The following ZMAT4 variants were observed in gnomAD, a reference collection of about 807,000 sequenced individuals.
ZMAT4 encodes the protein zinc finger matrin-type protein 4.
Under a neutral mutation model 28.7 loss-of-function variants are expected in ZMAT4, and 17 were observed. The ratio of observed to expected loss-of-function variants is 0.59; its 90% CI spans 0.41 to 0.89. The LOEUF (loss-of-function observed/expected upper bound fraction) is 0.89. Among genes scored for constraint, ZMAT4 ranks in the 40% least tolerant of loss-of-function variants. The probability of loss-of-function intolerance (pLI) is 0.00; values close to 1 mark genes in which losing one functional copy is unlikely to be tolerated. For synonymous variants in ZMAT4, 117 were observed against 109.2 expected, an observed-to-expected ratio of 1.07 and a Z score of -0.44; for missense variants, 240 against 283.8, an observed-to-expected ratio of 0.85 and a Z score of 1.11.
rs533048043 is a variant in ZMAT4, at chr8:40,855,590, G to A, written c.-4-29910C>T. Reference sequence around the variant, plus strand: ...GAATTGACCAGTGACAAATCTTGGTGACAGTAAAATTTGTCCTTCAGTCCT... The same window carrying A: ...GAATTGACCAGTGACAAATCTTGGTAACAGTAAAATTTGTCCTTCAGTCCT... On this transcript the variant is annotated intron_variant, in intron 1 of 6. Transcript: ENST00000297737. 1.2e-3 allele frequency among the ~76,000 whole-genome samples: 184 copies of A among 152,174 alleles called. 1 individual carries two copies. Among genetic ancestry groups the A allele is most frequent in the Non-Finnish European group, 2.1e-3 (145 of 68,012 alleles).
intron 1 of ZMAT4, among the ~76,000 whole-genome samples, chr8:40,868,464 T>C (rs921857983): frequency 6.6e-6 from 1 of 152,146 alleles, no homozygotes; most frequent in Non-Finnish European, 1.5e-5. Context: ...TCTGAGGGCT[T>C]ATCCCAGCAG....
chr8:40,710,857 T>C (rs1191324804), intron 3 of ZMAT4, among the ~76,000 whole-genome samples: 1 of 151,974 alleles, frequency 6.6e-6, no homozygotes, highest in African/African-American at 2.4e-5. Flanking sequence ...CTCGGCTCAC[T>C]GCAACCTCCA....
intron 5 of ZMAT4, among the ~76,000 whole-genome samples, chr8:40,642,972 C>T (rs964006217): frequency 6.6e-6 from 1 of 152,162 alleles, no homozygotes; most frequent in Admixed American, 6.5e-5. Flanking sequence ...CTACTTGTTC[C>T]TGTGTCAGAT....
chr8:40,870,544 TC>T lies in ZMAT4; in HGVS notation c.-5+27138del. Among the ~76,000 whole-genome samples the T allele has an allele frequency of 2.6e-5, 4 of 152,318 alleles. No homozygotes were observed. In the East Asian group the frequency reaches 7.7e-4, roughly 29 times the overall value. On this transcript the variant is annotated intron_variant, in intron 1 of 6. Transcript: ENST00000297737. ...TAATTCTAGAAGAGAAGATTATCCTTCCCTAGAAGTGAATTATTTATTCCAG... is the reference window on the plus strand; with the variant it reads ...TAATTCTAGAAGAGAAGATTATCCTTCCTAGAAGTGAATTATTTATTCCAG...
At chr8:40,895,765 T>C (rs1818846493) in intron 1 of ZMAT4, among the ~76,000 whole-genome samples, 1 of 152,182 alleles carries the variant, frequency 6.6e-6, no homozygotes, top group South Asian at 2.1e-4. Flanking sequence ...AGTTTTGCAA[T>C]CCTCAAACTC....
At chr8:40,642,670 G>A (rs1024764740) in intron 5 of ZMAT4, among the ~76,000 whole-genome samples, 1 of 152,182 alleles carries the variant, frequency 6.6e-6, no homozygotes, top group Non-Finnish European at 1.5e-5. Context: ...TGCTAGAGGA[G>A]GGCTATTAAT....
At chr8:40,697,124 G>T in intron 4 of ZMAT4, 121 bp downstream of exon 4, 1 of 1,216,886 alleles carries the variant, frequency 8.2e-7, no homozygotes, top group Non-Finnish European at 1.1e-6. Flanking sequence ...TTTAGGCTTT[G>T]AATGACGTCT....
At position 40,541,902 on chromosome 8, in the gene ZMAT4, AG is replaced by A. The variant is rs547014045; in HGVS notation, c.675-9665del. ...GGGTACACATTCTGTGAAAATCTAG[AG>A]TCCCACAGTGCCAGCAATTACTACT... On this transcript the variant is annotated intron_variant, in intron 6 of 6. Coordinates refer to ENST00000297737, the MANE Select transcript of ZMAT4 (RefSeq NM_024645.3). Among the ~76,000 whole-genome samples, 21 of 152,206 alleles carry A rather than the reference AG, an allele frequency of 1.4e-4. 1 individual carries two copies. The highest frequency in any genetic ancestry group is 1.0e-3 in the South Asian group (5 of 4,832).
chr8:40,571,577 C>T (rs1033792350), intron 6 of ZMAT4, among the ~76,000 whole-genome samples: 3 of 152,126 alleles, frequency 2.0e-5, no homozygotes, highest in Non-Finnish European at 4.4e-5. Flanking sequence ...CTGTCGTTGT[C>T]ACAGTGATGC....
At chr8:40,870,338 C>G (rs1183708074) in intron 1 of ZMAT4, among the ~76,000 whole-genome samples, 3 of 152,176 alleles carry the variant, frequency 2.0e-5, no homozygotes, top group Non-Finnish European at 2.9e-5. Context: ...TCATCTGACC[C>G]TTCCTCAAGT....
At chr8:40,552,868 G>A (rs531047193) in intron 6 of ZMAT4, among the ~76,000 whole-genome samples, 19 of 152,162 alleles carry the variant, frequency 1.2e-4, no homozygotes, top group Admixed American at 2.0e-4. Flanking sequence ...ACCTCCCGTC[G>A]CTGTGGCTGA....
At chr8:40,539,866 T>C (rs964563003) in intron 6 of ZMAT4, among the ~76,000 whole-genome samples, 1 of 152,214 alleles carries the variant, frequency 6.6e-6, no homozygotes, top group Admixed American at 6.5e-5. Context: ...CAGCTTATGC[T>C]AATGAGGTGA....
chr8:40,563,882 G>A (rs1803829462), intron 6 of ZMAT4, among the ~76,000 whole-genome samples: 1 of 152,008 alleles, frequency 6.6e-6, no homozygotes, highest in African/African-American at 2.4e-5. Context: ...GGGAGCAGGA[G>A]GGCCTCTTAG....
intron 3 of ZMAT4, among the ~76,000 whole-genome samples, chr8:40,727,786 A>C (rs1811371915): frequency 6.6e-6 from 1 of 151,430 alleles, no homozygotes; most frequent in South Asian, 2.1e-4. Flanking sequence ...TGAACATTTT[A>C]TCTCTCTCGA....
At chr8:40,558,767 G>C (rs2722412) in intron 6 of ZMAT4, among the ~76,000 whole-genome samples, 150,818 of 152,200 alleles carry the variant, frequency 0.99, 74,739 homozygotes, top group Middle Eastern at 1. Context: ...ACGGGCTCCC[G>C]CTTCTTGGCC....
intron 1 of ZMAT4, among the ~76,000 whole-genome samples, chr8:40,865,777 T>A (rs562358462): frequency 6.6e-6 from 1 of 152,350 alleles, no homozygotes; most frequent in Admixed American, 6.5e-5. Context: ...CTGTTTTCAC[T>A]GTACTACGCA....
intron 4 of ZMAT4, among the ~76,000 whole-genome samples, chr8:40,695,189 G>A (rs557179543): frequency 6.6e-6 from 1 of 152,330 alleles, no homozygotes; most frequent in African/African-American, 2.4e-5. Flanking sequence ...GCATACATTT[G>A]CATGTCTTTT....
chr8:40,847,210 C>CA (rs1816936487), intron 1 of ZMAT4, among the ~76,000 whole-genome samples: 1 of 128,406 alleles, frequency 7.8e-6, no homozygotes, highest in Admixed American at 7.7e-5. Flanking sequence ...TCTAAAAAAA[C>CA]AAACAAACAA....
At chr8:40,685,574 C>T (rs1056862838) in intron 4 of ZMAT4, among the ~76,000 whole-genome samples, 1 of 152,124 alleles carries the variant, frequency 6.6e-6, no homozygotes, top group East Asian at 1.9e-4. Flanking sequence ...GAAGGGAGCA[C>T]ATGAGACAAA....
Sources: allele counts gnomAD v4.1 joint callset (sites outside exome capture counted in the v4.1 genomes callset), GRCh38; gene constraint gnomAD v4.1.1; transcripts MANE v1.5; gene names NCBI Gene and HGNC (gene_info 2026-07-23, HGNC 2026-07-21).